Variants in GLMN observed in about 807,000 individuals in gnomAD.
GLMN encodes glomulin.
GLMN carries 75 observed loss-of-function variants against 87.8 expected under a neutral mutation model. The ratio of observed to expected loss-of-function variants is 0.85; its 90% CI spans 0.71 to 1.04. The LOEUF is 1.04. Ranked by LOEUF, GLMN falls within the 50% of genes least tolerant of loss-of-function variation. The pLI is 0.00. For synonymous variants in GLMN, 206 were observed against 221.6 expected (o/e 0.93, Z 0.63); for missense variants, 588 against 658.8 (o/e 0.89, Z 1.18).
At chr1:92,349,478 A>G in the GLMN span, among the ~76,000 whole-genome samples, 1 of 152,218 alleles carries the variant, frequency 6.6e-6, no homozygotes, top group South Asian at 2.1e-4. Flanking sequence ...GGGGAAAAAA[A>G]TCAACATTTT....
chr1:92,356,265 C>A, the GLMN span, among the ~76,000 whole-genome samples: 1 of 152,082 alleles, frequency 6.6e-6, no homozygotes, highest in Non-Finnish European at 1.5e-5. Context: ...GTGTGAGCCA[C>A]CATGCCCAGC....
At chr1:92,292,830 C>T (rs1172353298) in intron 3 of GLMN, among the ~76,000 whole-genome samples, 1 of 150,502 alleles carries the variant, frequency 6.6e-6, no homozygotes, top group Admixed American at 6.6e-5. Flanking sequence ...GAGTTCAAGA[C>T]CAGCCTGGGC....
the GLMN span, among the ~76,000 whole-genome samples, chr1:92,342,398 T>G: frequency 1.1e-4 from 17 of 152,208 alleles, no homozygotes; most frequent in African/African-American, 3.4e-4. Context: ...AGTAGAGAGA[T>G]ATGTGGTCAG....
At chr1:92,310,059 AC>A in the GLMN span, among the ~76,000 whole-genome samples, 900 of 152,330 alleles carry the variant, frequency 5.9e-3, 6 homozygotes, top group African/African-American at 0.019. Context: ...TCCGTATGAG[AC>A]CAGGATTCTA....
Position 92,289,053 on chromosome 1 carries a change from G to A in GLMN, c.493C>T (p.Gln165Ter). 6.2e-7 allele frequency: 1 copy of A among 1,610,720 alleles called. No homozygotes were observed. Among genetic ancestry groups the A allele is most frequent in the Non-Finnish European group, 8.5e-7 (1 of 1,176,966 alleles). Residue 165 changes from glutamine (Q) to a stop codon, truncating the protein, a stop_gained, in exon 6 of 19, where the codon CAA (glutamine) becomes TAA (stop). Coordinates refer to ENST00000370360, the MANE Select transcript of GLMN (RefSeq NM_053274.3). LOFTEE classifies it high-confidence loss of function. ...AGGCCATAGTCATCCATTTGTATTT[G>A]TTCTTTTGAGTATGGAACAGGAAGA... ...SLLPVPYSKE[Q>*]IQMDDYGLCQ...
intron 9 of GLMN, 48 bp downstream of exon 9, chr1:92,269,675 A>G: frequency 8.2e-7 from 1 of 1,218,138 alleles, no homozygotes; most frequent in South Asian, 1.2e-5. Context: ...AACAAGGACT[A>G]TTTTAACACT....
At chr1:92,365,919 C>T in the GLMN span, among the ~76,000 whole-genome samples, 3 of 152,068 alleles carry the variant, frequency 2.0e-5, no homozygotes, top group Middle Eastern at 3.2e-3. Flanking sequence ...AAGAAAGTCA[C>T]TTGAGCCTCA....
At chr1:92,296,484 T>C (rs541471485) in intron 3 of GLMN, among the ~76,000 whole-genome samples, 2 of 152,222 alleles carry the variant, frequency 1.3e-5, no homozygotes, top group East Asian at 1.9e-4. Context: ...TCAGACCTGG[T>C]GAGAACTCAC....
the GLMN span, among the ~76,000 whole-genome samples, chr1:92,360,890 A>G: frequency 1.3e-5 from 2 of 151,984 alleles, no homozygotes; most frequent in African/African-American, 2.4e-5. Context: ...CCACAGGTCA[A>G]TTATTCCCCT....
chr1:92,336,073 TA>T, the GLMN span, among the ~76,000 whole-genome samples: 2,363 of 152,292 alleles, frequency 0.016, 27 homozygotes, highest in Middle Eastern at 0.051. Context: ...AATAAACAGG[TA>T]AGTAAAACTA....
At chr1:92,317,349 A>G in the GLMN span, among the ~76,000 whole-genome samples, 1 of 152,138 alleles carries the variant, frequency 6.6e-6, no homozygotes, top group Non-Finnish European at 1.5e-5. Flanking sequence ...TCTACTAAAA[A>G]TACAAAAAAT....
intron 1 of GLMN, 86 bp from the exon 2 acceptor site, chr1:92,298,115 T>C (rs1650351106): frequency 3.0e-6 from 2 of 675,980 alleles, no homozygotes; most frequent in African/African-American, 3.6e-5. Flanking sequence ...AAATTATTAG[T>C]AAATACAATA....
intron 7 of GLMN, among the ~76,000 whole-genome samples, chr1:92,272,489 T>C (rs946168554): frequency 5.3e-5 from 8 of 152,322 alleles, no homozygotes; most frequent in African/African-American, 1.9e-4. Context: ...ATTTTATGTA[T>C]ATTTCACCAC....
In GLMN at chr1:92,257,850, T is replaced by C. The variant is rs1451429085; in HGVS notation, c.1473+5013A>G. Among the ~76,000 whole-genome samples, 4 of 152,094 alleles carry C rather than the reference T, an allele frequency of 2.6e-5. No individual in the cohort carries two copies. The East Asian group carries it at 7.7e-4, about 29-fold the overall frequency. On this transcript the variant is annotated intron_variant, in intron 16 of 18. Transcript: ENST00000370360. ...GGCAATACCATTCAGGACATAGACA[T>C]GGGCAAAGACTTCATGACTAAAACA... is the stretch of plus-strand genomic sequence containing the variant.
chr1:92,278,700 T>C (rs977072993), intron 7 of GLMN, among the ~76,000 whole-genome samples: 12 of 152,204 alleles, frequency 7.9e-5, no homozygotes, highest in Non-Finnish European at 1.5e-4. Flanking sequence ...CCCTCAACTC[T>C]GAAACTCATT....
chr1:92,263,766 T>A, intron 14 of GLMN, 34 bp from the exon 15 acceptor site: 2 of 911,440 alleles, frequency 2.2e-6, no homozygotes, highest in East Asian at 2.4e-5. Flanking sequence ...GAAAGCTTTA[T>A]AATTCATGTA....
chr1:92,268,724 T>C (rs562131796), intron 9 of GLMN, among the ~76,000 whole-genome samples: 2 of 152,318 alleles, frequency 1.3e-5, no homozygotes, highest in South Asian at 4.1e-4. Context: ...CAAATCTTCC[T>C]TCACCTGGTA....
At chr1:92,283,212 G>C (rs953887111) in intron 7 of GLMN, among the ~76,000 whole-genome samples, 1 of 152,088 alleles carries the variant, frequency 6.6e-6, no homozygotes. Context: ...GATGAACATC[G>C]ATGAGAAAAT....
the GLMN span, among the ~76,000 whole-genome samples, chr1:92,326,771 C>G: frequency 6.6e-6 from 1 of 152,224 alleles, no homozygotes; most frequent in Non-Finnish European, 1.5e-5. Flanking sequence ...AGCTCCCATG[C>G]AACCCAAAAG....
Sources: gnomAD v4.1 joint callset for allele counts (sites outside exome capture counted in the v4.1 genomes callset) on GRCh38, gnomAD v4.1.1 for gene constraint, MANE v1.5 for transcripts, NCBI Gene and HGNC (gene_info 2026-07-23, HGNC 2026-07-21) for gene names.